The following CBL variants were observed in gnomAD, a reference collection of about 807,000 sequenced individuals.
CBL encodes the protein Cbl proto-oncogene.
Under a neutral mutation model 96.9 loss-of-function variants are expected in CBL, and 45 were observed. The observed-to-expected ratio is 0.46, with a 90% CI of 0.37 to 0.60. CBL has a LOEUF of 0.60. CBL is among the 20% of genes least tolerant of loss of function. The probability of loss-of-function intolerance (pLI) is 0.00; values close to 1 mark genes in which losing one functional copy is unlikely to be tolerated. For missense variants in CBL, 1,024 were observed against 1,143.5 expected (o/e 0.90, Z 1.51); for synonymous variants, 420 against 426.8 (o/e 0.98, Z 0.20).
rs1045606103 is a variant in CBL at position 119,302,221 on chromosome 11, G to T, written c.*2440G>T. 18 of 232,748 alleles carry T rather than the reference G, an allele frequency of 7.7e-5. No homozygotes were observed. Among genetic ancestry groups the T allele is most frequent in the African/African-American group, 2.0e-4 (9 of 45,310 alleles). The allele number at this position is 232,748 out of a possible 1,614,324, so 14.4% of individuals were successfully genotyped here. A position where few individuals can be genotyped will look rare whatever the true frequency, so the allele number is the denominator to read the frequency against. On this transcript the variant is annotated 3_prime_UTR_variant, in exon 16 of 16. Transcript: ENST00000264033. ...GTATCTGCCAGCATTCAAGGTTTTG[G>T]ATCATTTCATGAGGATCTTTCCTTT...
At chr11:119,283,702 A>G (rs987581627) in intron 9 of CBL, among the ~76,000 whole-genome samples, 29 of 119,044 alleles carry the variant, frequency 2.4e-4, no homozygotes, top group East Asian at 5.1e-4. Flanking sequence ...CAGTGGCGCT[A>G]TCTCGGCTCA....
At chr11:119,269,246 CT>C (rs11317875) in intron 2 of CBL, among the ~76,000 whole-genome samples, 29,670 of 118,108 alleles carry the variant, frequency 0.25, 2,555 homozygotes, top group African/African-American at 0.38. Flanking sequence ...TGGATAAGTG[CT>C]TTTTTTTTTT....
At chr11:119,238,754 C>T (rs984543339) in intron 2 of CBL, among the ~76,000 whole-genome samples, 3 of 151,994 alleles carry the variant, frequency 2.0e-5, no homozygotes, top group African/African-American at 7.2e-5. Flanking sequence ...TCTCTTGAAC[C>T]CAGGAGGCGG....
At position 119,274,948 on chromosome 11, in the gene CBL, T is replaced by C; in HGVS notation, c.864T>C (p.Pro288=). 1 of 1,613,976 alleles carries C rather than the reference T, an allele frequency of 6.2e-7. No individual in the cohort carries two copies. The highest frequency in any genetic ancestry group is 1.7e-4 in the Middle Eastern group (1 of 6,060). The change falls in exon 5 of 16, where the codon CCT becomes CCC. Residue 288 remains proline (P), a synonymous_variant. Transcript: ENST00000264033. ...KARLQKFIHK[P]GSYIFRLSCT... is the part of the protein sequence containing the mutation. ...GGCTCCAGAAATTCATTCACAAACC[T>C]GGCAGGTCAGTTCAATGACGCAAAG...
rs1465658550 is a variant in CBL at position 119,297,463 on chromosome 11, A to G, written c.2233A>G (p.Thr745Ala). 6.2e-7 allele frequency: 1 copy of G among 1,612,610 alleles called. No homozygotes were observed. The highest frequency in any genetic ancestry group is 1.1e-5 in the South Asian group (1 of 91,044). The change falls in exon 14 of 16, where the codon ACC becomes GCC. Residue 745 changes from threonine to alanine, a missense_variant. Thr to Ala is a moderately conservative substitution (Grantham distance 58). Coordinates refer to ENST00000264033, the MANE Select transcript of CBL (RefSeq NM_005188.4). Reference sequence around the variant, plus strand: ...TATTCAGTCCCAGGCGCCATCTATCACCGAGAGCAGCACCTTTGGTAAGTT... The same window carrying G: ...TATTCAGTCCCAGGCGCCATCTATCGCCGAGAGCAGCACCTTTGGTAAGTT... ...YNIQSQAPSITESSTFGEGNL... is the reference protein window; with the variant it reads ...YNIQSQAPSIAESSTFGEGNL...
rs571888105 is a variant in CBL, at chr11:119,229,777, G to C, written c.196-2671G>C. ...CAGAATCTTGCTGTGGCCCAGGCTG[G>C]AGGGCAGTGGCATGGTCTTGGCTCA... On this transcript the variant is annotated intron_variant, in intron 1 of 15. Transcript: ENST00000264033. Among the ~76,000 whole-genome samples the C allele has an allele frequency of 1.3e-5, 2 of 151,986 alleles. 1 individual carries two copies. The highest frequency in any genetic ancestry group is 3.9e-4 in the East Asian group (2 of 5,146).
chr11:119,285,116 T>A lies in CBL; in HGVS notation c.1563+16T>A. ...TGCTTCTAAGGTAAAGCATTTTCCA[T>A]TACTGCAGTTTTTGGATTCTTTGCT... On this transcript the variant is annotated intron_variant, in intron 10 of 15. Coordinates refer to ENST00000264033, the MANE Select transcript of CBL (RefSeq NM_005188.4). The A allele has an allele frequency of 6.2e-7, 1 of 1,614,194 alleles. No homozygotes were observed. Among genetic ancestry groups the A allele is most frequent in the Non-Finnish European group, 8.5e-7 (1 of 1,180,030 alleles).
At chr11:119,238,208 T>G (rs1288900725) in intron 2 of CBL, among the ~76,000 whole-genome samples, 2 of 148,562 alleles carry the variant, frequency 1.3e-5, no homozygotes, top group South Asian at 2.1e-4. Context: ...GCCTGTCAAT[T>G]TGATCCCAAA....
chr11:119,228,681 CA>C, intron 1 of CBL, among the ~76,000 whole-genome samples: 1 of 152,186 alleles, frequency 6.6e-6, no homozygotes, highest in Middle Eastern at 3.4e-3. Flanking sequence ...TGTTCACAGG[CA>C]TGATCATAGT....
Position 119,292,349 on chromosome 11 carries a change from C to G in CBL, c.2036+4403C>G, listed in dbSNP as rs147962073. Among the ~76,000 whole-genome samples the G allele has an allele frequency of 2.8e-4, 42 of 151,464 alleles. No individual in the cohort carries two copies. The East Asian group carries it at 7.9e-3, about 29-fold the overall frequency. On this transcript the variant is annotated intron_variant, in intron 12 of 15. Transcript: ENST00000264033. Reference sequence around the variant, plus strand: ...GGAATGTTAGACCTTTTCACTATGTCTCCGAGAGCTCTTATGCTGATGTCT... The same window carrying G: ...GGAATGTTAGACCTTTTCACTATGTGTCCGAGAGCTCTTATGCTGATGTCT...
At chr11:119,257,537 A>T (rs757521257) in intron 2 of CBL, among the ~76,000 whole-genome samples, 1 of 152,112 alleles carries the variant, frequency 6.6e-6, no homozygotes, top group Non-Finnish European at 1.5e-5. Context: ...CATTGCTTGC[A>T]TGTATTTTCT....
At chr11:119,273,575 T>TTTTG (rs530955189) in intron 3 of CBL, among the ~76,000 whole-genome samples, 40 of 152,230 alleles carry the variant, frequency 2.6e-4, no homozygotes, top group Admixed American at 7.2e-4. Context: ...GTCTGGCTAA[T>TTTTG]TTTGTTTGTT....
At position 119,295,567 on chromosome 11, in the gene CBL, A is replaced by C. The variant is rs1272609223; in HGVS notation, c.2037-1351A>C. ...TGAGACTCTGTCTCTACAAAAAAAA[A>C]AATTTTTTTTAATTAGCCTGGTATT... On this transcript the variant is annotated intron_variant, in intron 12 of 15. Coordinates refer to ENST00000264033, the MANE Select transcript of CBL (RefSeq NM_005188.4). Among the ~76,000 whole-genome samples the C allele has an allele frequency of 2.6e-5, 4 of 151,996 alleles. No individual in the cohort carries two copies. The South Asian group carries it at 8.3e-4, about 32-fold the overall frequency.
At position 119,298,367 on chromosome 11, in the gene CBL, A is replaced by G; in HGVS notation, c.2261A>G (p.Asn754Ser). ...ACTCATTTTTCTCCAGGTGAAGGGA[A>G]TTTGGCCGCAGCCCATGCCAACACT... ...ITESSTFGEG[N>S]LAAAHANTGP... The change falls in exon 15 of 16, where the codon AAT (asparagine) becomes AGT (serine). Residue 754 changes from asparagine (N) to serine (S), a missense_variant. This residue lies in a region of CBL where 695 missense variants were observed against 661.6 expected (regional missense o/e 1.05). Coordinates refer to ENST00000264033, the MANE Select transcript of CBL (RefSeq NM_005188.4). 1 of 1,614,132 alleles carries G rather than the reference A, an allele frequency of 6.2e-7. No homozygotes were observed. Among genetic ancestry groups the G allele is most frequent in the Non-Finnish European group, 8.5e-7 (1 of 1,179,970 alleles).
rs1488501720 is a variant in CBL, at chr11:119,307,879, T to C, written c.*8098T>C. ...AAATGTGTCATTAATATAAAAAATT[T>C]ATATTAGCAGTATTTAATCATTCTC... is the stretch of plus-strand genomic sequence containing the variant. On this transcript the variant is annotated 3_prime_UTR_variant, in exon 16 of 16. Coordinates refer to ENST00000264033, the MANE Select transcript of CBL (RefSeq NM_005188.4). 1 of 201,726 alleles carries C rather than the reference T, an allele frequency of 5.0e-6. No individual in the cohort carries two copies. The highest frequency in any genetic ancestry group is 2.3e-5 in the African/African-American group (1 of 43,592). The allele number at this position is 201,726 out of a possible 1,614,324, so 12.5% of individuals were successfully genotyped here.
rs184878426 is a variant in CBL, at chr11:119,270,997, C to T, written c.444-738C>T. Among the ~76,000 whole-genome samples, 3 of 152,280 alleles carry T rather than the reference C, an allele frequency of 2.0e-5. No homozygotes were observed. In the East Asian group the frequency reaches 5.8e-4, roughly 29 times the overall value. The stretch of plus-strand genomic sequence containing the variant: ...TTTTGTGTGGTTTGGATGTTAGCAT[C>T]TCATTTTTGGTAAAGGAAGAGGAGT... On this transcript the variant is annotated intron_variant, in intron 2 of 15. Coordinates refer to ENST00000264033, the MANE Select transcript of CBL (RefSeq NM_005188.4).
intron 12 of CBL, among the ~76,000 whole-genome samples, chr11:119,292,612 C>T (rs1471215823): frequency 6.6e-6 from 1 of 151,964 alleles, no homozygotes; most frequent in South Asian, 2.1e-4. Context: ...TTAGTAGAGA[C>T]GGGGTTTCAC....
chr11:119,304,502 T>A lies in CBL; in HGVS notation c.*4721T>A, dbSNP rs1000374145. 1 of 233,058 alleles carries A rather than the reference T, an allele frequency of 4.3e-6. No individual in the cohort carries two copies. Among genetic ancestry groups the A allele is most frequent in the Non-Finnish European group, 8.5e-6 (1 of 118,028 alleles). The allele number at this position is 233,058 out of a possible 1,614,324, so 14.4% of individuals were successfully genotyped here. Reference sequence around the variant, plus strand: ...TGGAACTGCAGAGCTTTGCACCTAGTCCTTTCTCCCGCTTCACAGTCTGCT... The same window carrying A: ...TGGAACTGCAGAGCTTTGCACCTAGACCTTTCTCCCGCTTCACAGTCTGCT... On this transcript the variant is annotated 3_prime_UTR_variant, in exon 16 of 16. Transcript: ENST00000264033.
At chr11:119,254,137 C>T (rs1949693245) in intron 2 of CBL, among the ~76,000 whole-genome samples, 1 of 151,882 alleles carries the variant, frequency 6.6e-6, no homozygotes, top group Non-Finnish European at 1.5e-5. Flanking sequence ...TCACTTGAGG[C>T]CAGGAGTTTG....
Sources: gnomAD v4.1 joint callset for allele counts (sites outside exome capture counted in the v4.1 genomes callset) on GRCh38, gnomAD v4.1.1 for gene constraint, gnomAD v4.1.1 regional missense constraint, MANE v1.5 for transcripts, NCBI Gene and HGNC (gene_info 2026-07-23, HGNC 2026-07-21) for gene names.